Variants in ILKAP observed in about 807,000 individuals in gnomAD.
ILKAP encodes ILK associated serine/threonine phosphatase.
ILKAP carries 11 observed loss-of-function variants against 49.1 expected under a neutral mutation model. That is an observed-to-expected ratio of 0.22 (90% confidence interval 0.14 to 0.37). The LOEUF (loss-of-function observed/expected upper bound fraction) is 0.37. ILKAP is among the 10% of genes least tolerant of loss of function. ILKAP has a pLI of 1.00. For missense variants in ILKAP, 363 were observed against 510.8 expected (o/e 0.71, Z 2.79); for synonymous variants, 186 against 192.8 (o/e 0.96, Z 0.29).
intron 6 of ILKAP, 61 bp downstream of exon 6, chr2:238,185,120 C>T: frequency 9.5e-7 from 1 of 1,053,048 alleles, no homozygotes; most frequent in Non-Finnish European, 1.5e-6. Context: ...GACTGCTTCA[C>T]ACAGCCAACC....
intron 9 of ILKAP, among the ~76,000 whole-genome samples, chr2:238,180,486 A>G (rs1032813545): frequency 6.6e-6 from 1 of 152,226 alleles, no homozygotes; most frequent in African/African-American, 2.4e-5. Context: ...AACATGACAC[A>G]ATGTTCACTG....
chr2:238,176,312 T>C (rs1457530565), intron 9 of ILKAP, among the ~76,000 whole-genome samples: 1 of 152,098 alleles, frequency 6.6e-6, no homozygotes, highest in Non-Finnish European at 1.5e-5. Flanking sequence ...TTTTTATTTT[T>C]AGTAGAGATG....
At chr2:238,174,550 C>T (rs917359990) in intron 9 of ILKAP, among the ~76,000 whole-genome samples, 1 of 152,170 alleles carries the variant, frequency 6.6e-6, no homozygotes. Context: ...TCAGGAGATG[C>T]GGTGCAGATG....
At chr2:238,191,095 A>G (rs1415449166) in intron 3 of ILKAP, among the ~76,000 whole-genome samples, 1 of 151,922 alleles carries the variant, frequency 6.6e-6, no homozygotes, top group African/African-American at 2.4e-5. Flanking sequence ...GCTGGGACTG[A>G]AAGCAGGAAC....
At chr2:238,188,098 T>C in intron 5 of ILKAP, 33 bp downstream of exon 5, 1 of 1,611,226 alleles carries the variant, frequency 6.2e-7, no homozygotes, top group African/African-American at 1.3e-5. Flanking sequence ...GAGATGTTAA[T>C]GCCAGCCGGG....
intron 9 of ILKAP, among the ~76,000 whole-genome samples, chr2:238,174,406 C>T (rs1358125038): frequency 6.6e-6 from 1 of 152,230 alleles, no homozygotes; most frequent in African/African-American, 2.4e-5. Context: ...AAGCTCTCTC[C>T]CCTTCAGGCC....
intron 5 of ILKAP, 144 bp downstream of exon 5, chr2:238,187,987 A>C: frequency 9.9e-7 from 1 of 1,013,318 alleles, no homozygotes; most frequent in Non-Finnish European, 1.4e-6. Context: ...GCGGGGAGCA[A>C]AATCAACCCC....
Position 238,203,613 on chromosome 2 carries a change from G to A in ILKAP, c.-60C>T, listed in dbSNP as rs1203189923. ...ACACTCAGCCCGCGAGCAGCGGCCG[G>A]GCTCCACACCCCGGGCGGGCGGCAG... is the stretch of plus-strand genomic sequence containing the variant. On this transcript the variant is annotated 5_prime_UTR_variant, in exon 1 of 12. Transcript: ENST00000254654. The A allele has an allele frequency of 9.6e-6, 10 of 1,036,366 alleles. No individual in the cohort carries two copies. Among genetic ancestry groups the A allele is most frequent in the Middle Eastern group, 3.6e-4 (1 of 2,794 alleles). The allele number at this position is 1,036,366 out of a possible 1,614,324, so 64.2% of individuals were successfully genotyped here.
intron 9 of ILKAP, among the ~76,000 whole-genome samples, chr2:238,174,419 T>C (rs1390625494): frequency 6.6e-6 from 1 of 152,182 alleles, no homozygotes; most frequent in Non-Finnish European, 1.5e-5. Context: ...TTCAGGCCCT[T>C]GTTTGTAAAG....
At chr2:238,183,093 G>A (rs143770144) in intron 8 of ILKAP, among the ~76,000 whole-genome samples, 274 of 152,240 alleles carry the variant, frequency 1.8e-3, no homozygotes, top group African/African-American at 5.8e-3. Flanking sequence ...CCAGCTTTCC[G>A]CAGCAGCACC....
intron 9 of ILKAP, among the ~76,000 whole-genome samples, chr2:238,180,505 TTTG>T (rs1452672257): frequency 1.3e-5 from 2 of 152,220 alleles, no homozygotes; most frequent in African/African-American, 4.8e-5. Context: ...TGCTAGTAGA[TTTG>T]GAAATGTTTT....
intron 9 of ILKAP, among the ~76,000 whole-genome samples, chr2:238,175,116 TTC>T (rs777880409): frequency 7.0e-6 from 1 of 143,014 alleles, no homozygotes; most frequent in African/African-American, 2.5e-5. Context: ...CCATCTCTCA[TTC>T]TCTCTTTTTT....
At chr2:238,192,338 GA>G (rs1694165954) in intron 3 of ILKAP, among the ~76,000 whole-genome samples, 1 of 152,184 alleles carries the variant, frequency 6.6e-6, no homozygotes, top group Non-Finnish European at 1.5e-5. Context: ...ACAAGAAACA[GA>G]TCATTGAGGC....
At chr2:238,194,701 A>T in intron 2 of ILKAP, 104 bp downstream of exon 2, 1 of 1,189,212 alleles carries the variant, frequency 8.4e-7, no homozygotes, top group Non-Finnish European at 1.2e-6. Context: ...CACCTAAAAC[A>T]TCTGTGTGTT....
At chr2:238,199,750 C>A (rs760825048) in intron 1 of ILKAP, among the ~76,000 whole-genome samples, 50 of 151,574 alleles carry the variant, frequency 3.3e-4, no homozygotes, top group Non-Finnish European at 7.1e-4. Flanking sequence ...TCCTCTAATA[C>A]CTTAACCTTT....
At chr2:238,171,107 AAAAT>A (rs1693197365) in intron 10 of ILKAP, 83 bp from the exon 11 acceptor site, 1 of 905,606 alleles carries the variant, frequency 1.1e-6, no homozygotes, top group African/African-American at 1.7e-5. Context: ...AGATGGAGAT[AAAAT>A]AAATATTTGT....
intron 5 of ILKAP, 75 bp from the exon 6 acceptor site, chr2:238,185,362 C>T (rs1693860289): frequency 1.4e-5 from 13 of 959,254 alleles, no homozygotes; most frequent in Middle Eastern, 4.3e-4. Context: ...TTTTAAATTT[C>T]GTCTCAAAGA....
At chr2:238,181,724 G>A (rs977840302) in intron 9 of ILKAP, among the ~76,000 whole-genome samples, 3 of 151,378 alleles carry the variant, frequency 2.0e-5, no homozygotes, top group Non-Finnish European at 2.9e-5. Flanking sequence ...CCAGGTTCAC[G>A]CCATTCTCCT....
At chr2:238,179,617 C>T (rs934123935) in intron 9 of ILKAP, among the ~76,000 whole-genome samples, 4 of 152,108 alleles carry the variant, frequency 2.6e-5, no homozygotes, top group Non-Finnish European at 5.9e-5. Flanking sequence ...GCAACAGGAG[C>T]ATCCGGCTGT....
Sources: gnomAD v4.1 joint callset for allele counts (sites outside exome capture counted in the v4.1 genomes callset) on GRCh38, gnomAD v4.1.1 for gene constraint, MANE v1.5 for transcripts, NCBI Gene and HGNC (gene_info 2026-07-23, HGNC 2026-07-21) for gene names.